TAPT1: variants seen among roughly 807,000 people sequenced by gnomAD.
TAPT1 encodes the protein transmembrane anterior posterior transformation 1.
Under a neutral mutation model 65.6 loss-of-function variants are expected in TAPT1, and 28 were observed. That is an observed-to-expected ratio of 0.43 (90% CI 0.32 to 0.59). The LOEUF (loss-of-function observed/expected upper bound fraction) is 0.59. Among genes scored for constraint, TAPT1 ranks in the 20% least tolerant of loss-of-function variants. The pLI is 0.09. For synonymous variants in TAPT1, 278 were observed against 245.2 expected (o/e 1.13, Z -1.25); for missense variants, 563 against 679.9 (o/e 0.83, Z 1.91).
intron 3 of TAPT1, among the ~76,000 whole-genome samples, chr4:16,192,011 G>T (rs1749405851): frequency 6.6e-6 from 1 of 152,156 alleles, no homozygotes; most frequent in Non-Finnish European, 1.5e-5. Flanking sequence ...TCCACTATGT[G>T]GATGAACCAT....
In TAPT1 at chr4:16,206,809, G is replaced by A. The variant is rs149974242; in HGVS notation, c.331-4229C>T. Among the ~76,000 whole-genome samples, 362 of 152,300 alleles carry A rather than the reference G, an allele frequency of 2.4e-3. 1 individual carries two copies. Among genetic ancestry groups the A allele is most frequent in the African/African-American group, 8.3e-3 (343 of 41,554 alleles). The stretch of plus-strand genomic sequence containing the variant: ...TCACAAAGATAAACATGGCCCCATG[G>A]TGCCAAGTTCAAAAATTATCTTTTA... On this transcript the variant is annotated intron_variant, in intron 2 of 13. Transcript: ENST00000405303.
chr4:16,177,256 T>C (rs552267488), intron 8 of TAPT1, among the ~76,000 whole-genome samples: 4 of 152,350 alleles, frequency 2.6e-5, no homozygotes, highest in Non-Finnish European at 2.9e-5. Flanking sequence ...ACCCAAACTA[T>C]GCAAATTATG....
chr4:16,174,240 C>G lies in TAPT1; in HGVS notation c.1200G>C (p.Arg400=), dbSNP rs1748183798. The change falls in exon 11 of 14, where the codon CGG becomes CGC. Residue 400 remains arginine, a synonymous_variant. Transcript: ENST00000405303. ...GTGGGAGAGGAATAAAGCCCATCCT[C>G]CGTGCTACAGAGTCACTGTAATCAG... ...AYTDYSDSVA[R]RMGFIPLPLA... is the part of the protein sequence containing the mutation. 1 of 1,608,232 alleles carries G rather than the reference C, an allele frequency of 6.2e-7. No homozygotes were observed. Among genetic ancestry groups the G allele is most frequent in the South Asian group, 1.1e-5 (1 of 89,320 alleles).
intron 1 of TAPT1, among the ~76,000 whole-genome samples, chr4:16,221,345 C>T (rs1445454954): frequency 2.0e-4 from 30 of 150,822 alleles, no homozygotes; most frequent in Non-Finnish European, 8.9e-5. Context: ...ATACTGGTCT[C>T]GAACTACTGA....
upstream of TAPT1, chr4:16,227,381 G>C: frequency 2.2e-6 from 1 of 447,826 alleles, no homozygotes; most frequent in South Asian, 1.6e-5. Context: ...GCGTGGTGTC[G>C]AGACCACCAC....
intron 3 of TAPT1, chr4:16,196,786 A>G: frequency 6.9e-6 from 6 of 863,656 alleles, no homozygotes; most frequent in Non-Finnish European, 1.0e-5. Flanking sequence ...TTAGAGCTCC[A>G]TGGTGAGGAA....
At chr4:16,164,372 C>T (rs1358466418) in intron 13 of TAPT1, among the ~76,000 whole-genome samples, 1 of 152,008 alleles carries the variant, frequency 6.6e-6, no homozygotes, top group Non-Finnish European at 1.5e-5. Flanking sequence ...GAGACAGCCC[C>T]CTCCCTCTCT....
chr4:16,213,754 AG>A lies in TAPT1; in HGVS notation c.330+13del. 6.5e-7 allele frequency: 1 copy of A among 1,542,820 alleles called. No homozygotes were observed. Among genetic ancestry groups the A allele is most frequent in the Non-Finnish European group, 8.7e-7 (1 of 1,154,078 alleles). ...CTTTCAAAATGATGTCTGGTAATGA[AG>A]AAAAAATAGTACCTTTTCCAATTCT... On this transcript the variant is annotated intron_variant, in intron 2 of 13. Transcript: ENST00000405303.
intron 12 of TAPT1, 198 bp from the exon 13 acceptor site, chr4:16,166,991 CTTTTTTTTT>C (rs5856341): frequency 8.7e-5 from 14 of 160,652 alleles, no homozygotes; most frequent in East Asian, 3.6e-4. Flanking sequence ...CCTTAGTTCT[CTTTTTTTTT>C]TTTTTTTTTT....
rs2149701014 is a variant in TAPT1, at chr4:16,199,667, C to T, written c.449+2795G>A. 2.0e-5 allele frequency among the ~76,000 whole-genome samples: 3 copies of T among 152,248 alleles called. No homozygotes were observed. In the South Asian group the frequency reaches 6.2e-4, roughly 32 times the overall value. On this transcript the variant is annotated intron_variant, in intron 3 of 13. Coordinates refer to ENST00000405303, the MANE Select transcript of TAPT1 (RefSeq NM_153365.3). ...AATGCAGTGGTGCAATCACAGCTTA[C>T]TGCAGCCTCGAATTCCTGGGCTCAA...
At chr4:16,221,592 C>A (rs1751259390) in intron 1 of TAPT1, among the ~76,000 whole-genome samples, 2 of 151,790 alleles carry the variant, frequency 1.3e-5, no homozygotes, top group Non-Finnish European at 1.5e-5. Context: ...AAATAAGAAC[C>A]AAAGATTAAA....
chr4:16,206,344 T>C (rs1750344177), intron 2 of TAPT1, among the ~76,000 whole-genome samples: 1 of 152,244 alleles, frequency 6.6e-6, no homozygotes, highest in South Asian at 2.1e-4. Context: ...TTGAATACTG[T>C]TATATTTTAA....
At position 16,179,570 on chromosome 4, in the gene TAPT1, G is replaced by A; in HGVS notation, c.997+7C>T. On this transcript the variant is annotated splice_region_variant and intron_variant, in intron 8 of 13. Coordinates refer to ENST00000405303, the MANE Select transcript of TAPT1 (RefSeq NM_153365.3). ...TATAAGACACTGTTTTGTTAAGAGT[G>A]AGTTACCTGGATTCCAAGAAAACTG... 6.6e-7 allele frequency: 1 copy of A among 1,504,394 alleles called. No individual in the cohort carries two copies. The highest frequency in any genetic ancestry group is 2.3e-5 in the Admixed American group (1 of 43,414). The allele number at this position is 1,504,394 out of a possible 1,614,324, so 93.2% of individuals were successfully genotyped here.
In TAPT1 at chr4:16,226,348, C is replaced by T; in HGVS notation, c.110G>A (p.Gly37Glu). Residue 37 changes from glycine (G) to glutamate (E), a missense_variant, in exon 1 of 14, where the codon GGA becomes GAA. Coordinates refer to ENST00000405303, the MANE Select transcript of TAPT1 (RefSeq NM_153365.3). The stretch of plus-strand genomic sequence containing the variant: ...CTGAGGCGCCGGCGGGGGCCCCTGT[C>T]CGCCGCTGCCGCCCGGCTGCTCCGC... Reference protein sequence around the residue: ...GEAEQPGGSGGQGPPPAPQLT... With the variant: ...GEAEQPGGSGEQGPPPAPQLT... 2.7e-6 allele frequency: 3 copies of T among 1,114,824 alleles called. No individual in the cohort carries two copies. The highest frequency in any genetic ancestry group is 8.6e-5 in the South Asian group (2 of 23,316). The allele number at this position is 1,114,824 out of a possible 1,614,324, so 69.1% of individuals were successfully genotyped here.
chr4:16,174,964 G>T, intron 9 of TAPT1: 5 of 321,684 alleles, frequency 1.6e-5, no homozygotes, highest in East Asian at 1.1e-4. Flanking sequence ...CTTTAAAGGG[G>T]AATAAATATC....
rs116139799 is a variant in TAPT1, at chr4:16,224,163, A to G, written c.199+2096T>C. Among the ~76,000 whole-genome samples the G allele has an allele frequency of 3.7e-3, 571 of 152,306 alleles. 4 individuals carry two copies. Among genetic ancestry groups the G allele is most frequent in the African/African-American group, 0.013 (542 of 41,556 alleles). On this transcript the variant is annotated intron_variant, in intron 1 of 13. Transcript: ENST00000405303. ...CTAGTTTGATTCAGGGAGAAATGCT[A>G]TCCAAATGACTCCAGGTGCTGCCAC...
chr4:16,215,759 T>G (rs1750904455), intron 1 of TAPT1, among the ~76,000 whole-genome samples: 1 of 152,242 alleles, frequency 6.6e-6, no homozygotes, highest in Non-Finnish European at 1.5e-5. Context: ...TTTAAAGGAC[T>G]TAGTCTAACC....
intron 3 of TAPT1, chr4:16,196,773 T>C: frequency 6.1e-6 from 6 of 985,202 alleles, no homozygotes; most frequent in Non-Finnish European, 8.4e-6. Flanking sequence ...GTTGCTACGC[T>C]ACTTAGAGCT....
At chr4:16,215,549 T>C (rs941801286) in intron 1 of TAPT1, among the ~76,000 whole-genome samples, 1 of 152,136 alleles carries the variant, frequency 6.6e-6, no homozygotes, top group East Asian at 1.9e-4. Flanking sequence ...GGGGAGTCAG[T>C]GTTACCATGA....
Sources: gnomAD v4.1 joint callset for allele counts (sites outside exome capture counted in the v4.1 genomes callset) on GRCh38, gnomAD v4.1.1 for gene constraint, MANE v1.5 for transcripts, NCBI Gene and HGNC (gene_info 2026-07-23, HGNC 2026-07-21) for gene names.